Variants in ALDH7A1 observed in about 807,000 individuals in gnomAD.
ALDH7A1 encodes the protein alpha-aminoadipic semialdehyde dehydrogenase.
ALDH7A1 carries 63 observed loss-of-function variants against 79.9 expected under a neutral mutation model. That is an observed-to-expected ratio of 0.79 (90% CI 0.64 to 0.97). ALDH7A1 has a LOEUF of 0.97. Ranked by LOEUF, ALDH7A1 falls within the 50% of genes least tolerant of loss-of-function variation. The pLI is 0.00. For missense variants in ALDH7A1, 627 were observed against 665.2 expected (o/e 0.94, Z 0.63); for synonymous variants, 240 against 231.2 (o/e 1.04, Z -0.34).
intron 4 of ALDH7A1, 95 bp downstream of exon 4, chr5:126,583,837 C>CA (rs199930619): frequency 0.2 from 154,030 of 785,790 alleles, 32 homozygotes; most frequent in South Asian, 0.26. Flanking sequence ...GACTCCATCT[C>CA]AAAAAAAAAA....
In ALDH7A1 at chr5:126,564,734, G is replaced by C. The variant is rs575328386; in HGVS notation, c.871+3525C>G. 1.6e-5 allele frequency: 7 copies of C among 431,416 alleles called. No individual in the cohort carries two copies. The East Asian group carries it at 2.1e-4, about 13-fold the overall frequency. 26.7% of individuals were successfully genotyped at this position (431,416 alleles called of 1,614,324 possible). ...CTTGCTGGCTATAGCATAGCGCTAT[G>C]CTAGGTGTTAAGAAGAGAAGGAAGG... is the stretch of plus-strand genomic sequence containing the variant. On this transcript the variant is annotated intron_variant, in intron 9 of 17. Transcript: ENST00000409134.
chr5:126,585,625 G>A (rs562613565), intron 3 of ALDH7A1, among the ~76,000 whole-genome samples: 54 of 152,252 alleles, frequency 3.5e-4, no homozygotes, highest in African/African-American at 1.2e-3. Context: ...GCAGTGGCGC[G>A]ATCTCGGCTC....
At chr5:126,583,557 C>T (rs1751245415) in intron 4 of ALDH7A1, among the ~76,000 whole-genome samples, 2 of 150,816 alleles carry the variant, frequency 1.3e-5, no homozygotes, top group African/African-American at 2.4e-5. Flanking sequence ...CTCTTCTAGC[C>T]AAGTGTGGTG....
At chr5:126,561,045 T>G (rs772239212) in intron 10 of ALDH7A1, 38 bp downstream of exon 10, 1 of 1,611,014 alleles carries the variant, frequency 6.2e-7, no homozygotes. Context: ...CTGTGGAAAC[T>G]GAACAGAAAA....
In ALDH7A1 at chr5:126,546,381, C is replaced by T; in HGVS notation, c.1508G>A (p.Gly503Asp). 6.2e-7 allele frequency: 1 copy of T among 1,614,186 alleles called. No homozygotes were observed. The highest frequency in any genetic ancestry group is 8.5e-7 in the Non-Finnish European group (1 of 1,180,032). The stretch of plus-strand genomic sequence containing the variant: ...ATCACTGCCAGACTCCCTGCCACCA[C>T]CAGTGTGCTTTTCTCCTCCTAGAGA... Reference protein sequence around the residue: ...GGAFGGEKHTGGGRESGSDAW... With the variant: ...GGAFGGEKHTDGGRESGSDAW... Residue 503 changes from glycine (G) to aspartate (D), a missense_variant, in exon 17 of 18, where the codon GGT becomes GAT. Gly to Asp is a moderately conservative substitution (Grantham distance 94). Coordinates refer to ENST00000409134, the MANE Select transcript of ALDH7A1 (RefSeq NM_001182.5).
intron 14 of ALDH7A1, 115 bp from the exon 15 acceptor site, chr5:126,550,408 C>A: frequency 2.5e-6 from 2 of 791,136 alleles, no homozygotes; most frequent in Non-Finnish European, 4.2e-6. Flanking sequence ...CAAAAGGAAA[C>A]CAAAGAGTCA....
In ALDH7A1 at chr5:126,546,419, TATC is replaced by T. The variant is rs1471634361; in HGVS notation, c.1490-23_1490-21del. On this transcript the variant is annotated intron_variant, in intron 16 of 17. Transcript: ENST00000409134. ...CTCCTCCTAGAGAAATAAAAAATAATATCATATCTTCTGAGCAGTTTCCATGTG... is the reference window on the plus strand; with the variant it reads ...CTCCTCCTAGAGAAATAAAAAATAATATATCTTCTGAGCAGTTTCCATGTG... 3.7e-6 allele frequency: 6 copies of T among 1,611,224 alleles called. No homozygotes were observed. Among genetic ancestry groups the T allele is most frequent in the Non-Finnish European group, 1.7e-6 (2 of 1,177,488 alleles).
chr5:126,555,665 T>C (rs1402018848), intron 12 of ALDH7A1, among the ~76,000 whole-genome samples: 2 of 152,094 alleles, frequency 1.3e-5, no homozygotes, highest in Non-Finnish European at 2.9e-5. Flanking sequence ...TGGTGTCGGC[T>C]TGGACAAGGG....
intron 7 of ALDH7A1, among the ~76,000 whole-genome samples, chr5:126,571,348 G>C (rs1360857368): frequency 6.6e-6 from 1 of 151,132 alleles, no homozygotes; most frequent in African/African-American, 2.4e-5. Flanking sequence ...AGTGACGGTG[G>C]GAGCCTGTAA....
At chr5:126,556,122 T>C (rs1750187602) in intron 11 of ALDH7A1, 107 bp from the exon 12 acceptor site, 1 of 600,780 alleles carries the variant, frequency 1.7e-6, no homozygotes, top group Non-Finnish European at 2.8e-6. Flanking sequence ...TCTAAAAATA[T>C]AAGAAAATCA....
At chr5:126,554,443 C>T (rs762477721) in intron 12 of ALDH7A1, 50 bp from the exon 13 acceptor site, 14 of 1,450,674 alleles carry the variant, frequency 9.7e-6, no homozygotes, top group African/African-American at 8.4e-5. Context: ...TTTATGGCAT[C>T]GTTTTATTAT....
intron 8 of ALDH7A1, 163 bp from the exon 9 acceptor site, chr5:126,568,519 A>C: frequency 1.5e-6 from 1 of 668,282 alleles, no homozygotes; most frequent in South Asian, 1.6e-5. Context: ...GAAGGAAAAA[A>C]GTTTTTCACA....
rs559870423 is a variant in ALDH7A1 at position 126,562,931 on chromosome 5, C to T, written c.872-1807G>A. Among the ~76,000 whole-genome samples the T allele has an allele frequency of 4.6e-5, 7 of 152,174 alleles. No homozygotes were observed. In the South Asian group the frequency reaches 1.5e-3, roughly 32 times the overall value. On this transcript the variant is annotated intron_variant, in intron 9 of 17. Transcript: ENST00000409134. ...TAACCCCACTCAAATGAAAGTAGTC[C>T]AAATCAATGAAACAGAAAGAAGTAG... is the stretch of plus-strand genomic sequence containing the variant.
chr5:126,594,437 AATT>A, intron 1 of ALDH7A1: 1 of 243,192 alleles, frequency 4.1e-6, no homozygotes, highest in Non-Finnish European at 8.1e-6. Context: ...ATAAGGTTTT[AATT>A]TTTTTTTTTT....
chr5:126,562,383 T>C (rs1232329604), intron 9 of ALDH7A1: 1 of 151,742 alleles, frequency 6.6e-6, no homozygotes, highest in Non-Finnish European at 1.5e-5. Context: ...TTGTACTTTT[T>C]TTTTTTTGGC....
chr5:126,559,359 T>A, intron 10 of ALDH7A1, 25 bp from the exon 11 acceptor site: 1 of 1,565,252 alleles, frequency 6.4e-7, no homozygotes, highest in Non-Finnish European at 8.8e-7. Context: ...AACACTTCCA[T>A]CAGCGAACCA....
intron 5 of ALDH7A1, 173 bp downstream of exon 5, chr5:126,582,678 C>A (rs994891362): frequency 1.0e-5 from 8 of 798,622 alleles, no homozygotes; most frequent in Admixed American, 8.3e-5. Context: ...GGTTCTTGAT[C>A]TAACATTTTC....
At position 126,542,672 on chromosome 5, in the gene ALDH7A1, G is replaced by A; in HGVS notation, c.*2293C>T. On this transcript the variant is annotated 3_prime_UTR_variant, in exon 18 of 18. Transcript: ENST00000409134. ...ACTGAGACACCAAAAAAAAAGAAGT[G>A]TTCTGTGGTTGCAGAGCAAGAGAGA... is the stretch of plus-strand genomic sequence containing the variant. The A allele has an allele frequency of 6.6e-6, 1 of 152,316 alleles. No homozygotes were observed. 9.4% of individuals were successfully genotyped at this position (152,316 alleles called of 1,614,324 possible). A position where few individuals can be genotyped will look rare whatever the true frequency, so the allele number is the denominator to read the frequency against.
Position 126,555,140 on chromosome 5 carries a change from A to G in ALDH7A1, c.1094-747T>C, listed in dbSNP as rs78434690. The G allele has an allele frequency of 3.9e-3, 610 of 154,932 alleles. 26 individuals carry two copies. The East Asian group carries it at 0.11, about 28-fold the overall frequency. 9.6% of individuals were successfully genotyped at this position (154,932 alleles called of 1,614,324 possible). A position where few individuals can be genotyped will look rare whatever the true frequency, so the allele number is the denominator to read the frequency against. On this transcript the variant is annotated intron_variant, in intron 12 of 17. Transcript: ENST00000409134. ...GCAGGAGGCAGAGAGCAGACCAGGA[A>G]GGATCGGGAGCCTGCAAAAAAGAAG...
Sources: allele counts gnomAD v4.1 joint callset (sites outside exome capture counted in the v4.1 genomes callset), GRCh38; gene constraint gnomAD v4.1.1; transcripts MANE v1.5; gene names NCBI Gene and HGNC (gene_info 2026-07-23, HGNC 2026-07-21).